The following RIMS1 variants were observed in gnomAD, a reference collection of about 807,000 sequenced individuals.
RIMS1 encodes the protein regulating synaptic membrane exocytosis 1.
Under a neutral mutation model 214.1 loss-of-function variants are expected in RIMS1, and 83 were observed. That is an observed-to-expected ratio of 0.39 (90% CI 0.32 to 0.47). RIMS1 has a LOEUF of 0.47. RIMS1 is among the 20% of genes least tolerant of loss of function. The pLI is 0.99. For missense variants in RIMS1, 2,050 were observed against 2,161.8 expected (o/e 0.95, Z 1.03); for synonymous variants, 793 against 786.8 (o/e 1.01, Z -0.13).
At chr6:72,184,093 C>A (rs1445039179) in intron 6 of RIMS1, among the ~76,000 whole-genome samples, 2 of 152,188 alleles carry the variant, frequency 1.3e-5, no homozygotes, top group Non-Finnish European at 2.9e-5. Flanking sequence ...TGCTTATCAT[C>A]TCCCTTTGAG....
chr6:72,069,741 T>C (rs1452301904), intron 2 of RIMS1, among the ~76,000 whole-genome samples: 1 of 152,202 alleles, frequency 6.6e-6, no homozygotes, highest in Admixed American at 6.5e-5. Flanking sequence ...GCCAATTGTA[T>C]GATTTTCGTT....
intron 6 of RIMS1, among the ~76,000 whole-genome samples, chr6:72,223,092 C>A (rs2059041895): frequency 6.6e-6 from 1 of 152,056 alleles, no homozygotes; most frequent in South Asian, 2.1e-4. Context: ...GGTTGAATAC[C>A]AAAGAAACTC....
At chr6:72,325,193 GACATT>G (rs1286058533) in intron 28 of RIMS1, among the ~76,000 whole-genome samples, 1 of 151,436 alleles carries the variant, frequency 6.6e-6, no homozygotes, top group Non-Finnish European at 1.5e-5. Flanking sequence ...ATTTGGTAAG[GACATT>G]ACAAGATAGA....
intron 2 of RIMS1, among the ~76,000 whole-genome samples, chr6:72,011,779 G>A (rs1280492161): frequency 3.3e-5 from 5 of 152,182 alleles, no homozygotes; most frequent in Non-Finnish European, 7.3e-5. Flanking sequence ...ACCACAATGA[G>A]ATACCATCTC....
chr6:72,040,662 CA>C (rs1343774834), intron 2 of RIMS1, among the ~76,000 whole-genome samples: 1 of 151,792 alleles, frequency 6.6e-6, no homozygotes, highest in Non-Finnish European at 1.5e-5. Context: ...ACAGAATCTA[CA>C]ATTAAAAGAA....
rs1175709321 is a variant in RIMS1 at position 72,215,642 on chromosome 6, A to G, written c.1679-18131A>G. Among the ~76,000 whole-genome samples, 12 of 152,350 alleles carry G rather than the reference A, an allele frequency of 7.9e-5. 1 individual carries two copies. In the South Asian group the frequency reaches 1.4e-3, roughly 18 times the overall value. ...ATATTTGGCACTTAATAAGCATTCA[A>G]TTGATGTTTATTTCCCTTTTGCTTT... On this transcript the variant is annotated intron_variant, in intron 6 of 33. Coordinates refer to ENST00000521978, the MANE Select transcript of RIMS1 (RefSeq NM_014989.7).
intron 31 of RIMS1, 51 bp from the exon 32 acceptor site, chr6:72,398,198 G>A: frequency 8.6e-7 from 1 of 1,159,664 alleles, no homozygotes; most frequent in South Asian, 1.3e-5. Context: ...TGTTTTAACT[G>A]CACATAACTG....
Position 72,262,130 on chromosome 6 carries a change from A to C in RIMS1, c.3116+1363A>C, listed in dbSNP as rs988603435. Reference sequence around the variant, plus strand: ...TGTGTGCCTGGCACTCAGTGTGTGAATATTTCTAGGATACTCACACCAGTG... The same window carrying C: ...TGTGTGCCTGGCACTCAGTGTGTGACTATTTCTAGGATACTCACACCAGTG... On this transcript the variant is annotated intron_variant, in intron 19 of 33. Transcript: ENST00000521978. The C allele has an allele frequency of 5.1e-6, 5 of 984,138 alleles. No individual in the cohort carries two copies. In the African/African-American group the frequency reaches 7.0e-5, roughly 14 times the overall value. The allele number at this position is 984,138 out of a possible 1,614,324, so 61.0% of individuals were successfully genotyped here.
chr6:72,036,759 G>A (rs1261597402), intron 2 of RIMS1, among the ~76,000 whole-genome samples: 1 of 152,144 alleles, frequency 6.6e-6, no homozygotes, highest in African/African-American at 2.4e-5. Context: ...AAAAAGCTTT[G>A]TGTTTTTTAG....
At chr6:72,100,069 T>C (rs781472377) in intron 4 of RIMS1, 83 bp downstream of exon 4, 16 of 1,059,958 alleles carry the variant, frequency 1.5e-5, no homozygotes, top group Non-Finnish European at 2.0e-5. Flanking sequence ...CTAGTATTGT[T>C]AATAACTATA....
At chr6:72,196,373 G>GTCTA (rs1554269247) in intron 6 of RIMS1, among the ~76,000 whole-genome samples, 43 of 102,354 alleles carry the variant, frequency 4.2e-4, no homozygotes, top group African/African-American at 1.6e-3. Context: ...CTGTCTGTCT[G>GTCTA]TCTGTCTATC....
chr6:71,973,242 A>G (rs963454044), intron 2 of RIMS1, among the ~76,000 whole-genome samples: 5 of 152,174 alleles, frequency 3.3e-5, no homozygotes, highest in Non-Finnish European at 7.4e-5. Flanking sequence ...ATAGTTTAGT[A>G]GGTATGTAAA....
intron 28 of RIMS1, among the ~76,000 whole-genome samples, chr6:72,316,440 G>A (rs932150764): frequency 2.6e-5 from 4 of 152,192 alleles, no homozygotes; most frequent in Non-Finnish European, 4.4e-5. Flanking sequence ...CCACAACCAC[G>A]CGTGGGGTAG....
chr6:71,928,756 G>A (rs1158233006), intron 1 of RIMS1, among the ~76,000 whole-genome samples: 1 of 151,984 alleles, frequency 6.6e-6, no homozygotes. Context: ...AGATTCCCAG[G>A]CTGCATCAAT....
chr6:72,201,677 C>A (rs1464594460), intron 6 of RIMS1, among the ~76,000 whole-genome samples: 2 of 152,120 alleles, frequency 1.3e-5, no homozygotes, highest in African/African-American at 4.8e-5. Flanking sequence ...CATCTTGTAC[C>A]CTCTGAGGAC....
In RIMS1 at chr6:72,328,365, G is replaced by A. The variant is rs190777823; in HGVS notation, c.4131-5235G>A. Among the ~76,000 whole-genome samples, 14 of 151,810 alleles carry A rather than the reference G, an allele frequency of 9.2e-5. No homozygotes were observed. The South Asian group carries it at 2.1e-3, about 23-fold the overall frequency. On this transcript the variant is annotated intron_variant, in intron 28 of 33. Transcript: ENST00000521978. ...AATGTAGATGATGGGTTTGATGGGT[G>A]CAGCAAACCACCATGGCACGTATAT...
intron 6 of RIMS1, among the ~76,000 whole-genome samples, chr6:72,217,819 C>T (rs2056831049): frequency 6.6e-6 from 1 of 152,040 alleles, no homozygotes; most frequent in Non-Finnish European, 1.5e-5. Context: ...GAACAGAGAG[C>T]CCAAGACACA....
chr6:71,950,003 T>G (rs1788961676), intron 1 of RIMS1, among the ~76,000 whole-genome samples: 2 of 151,974 alleles, frequency 1.3e-5, no homozygotes, highest in South Asian at 4.1e-4. Flanking sequence ...TCATGGTAAA[T>G]CCATAAGGTA....
At chr6:72,036,370 C>A (rs762134108) in intron 2 of RIMS1, among the ~76,000 whole-genome samples, 8 of 152,266 alleles carry the variant, frequency 5.3e-5, no homozygotes, top group Non-Finnish European at 1.2e-4. Flanking sequence ...CCATTCATTT[C>A]TTCACAGAAC....
Sources: allele counts gnomAD v4.1 joint callset (sites outside exome capture counted in the v4.1 genomes callset), GRCh38; gene constraint gnomAD v4.1.1; transcripts MANE v1.5; gene names NCBI Gene and HGNC (gene_info 2026-07-23, HGNC 2026-07-21).